NEDD9: variants seen among roughly 807,000 people sequenced by gnomAD.
NEDD9 encodes neural precursor cell expressed, developmentally down-regulated 9.
NEDD9 carries 26 observed loss-of-function variants against 76.6 expected under a neutral mutation model. That is an observed-to-expected ratio of 0.34 (90% CI 0.25 to 0.47). The LOEUF (loss-of-function observed/expected upper bound fraction) is 0.47. NEDD9 is among the 20% of genes least tolerant of loss of function. The pLI, the probability that NEDD9 is intolerant of heterozygous loss-of-function variation, is 1.00. For missense variants in NEDD9, 937 were observed against 1,058.5 expected (o/e 0.89, Z 1.59); for synonymous variants, 392 against 414.2 (o/e 0.95, Z 0.65).
intron 3 of NEDD9, among the ~76,000 whole-genome samples, chr6:11,282,960 T>C (rs551866164): frequency 2.2e-3 from 342 of 152,374 alleles, no homozygotes; most frequent in African/African-American, 7.3e-3. Flanking sequence ...ATGCCCTATA[T>C]GGTTTGGCCT....
intron 1 of NEDD9, among the ~76,000 whole-genome samples, chr6:11,356,450 T>C (rs1762576902): frequency 6.6e-6 from 1 of 152,196 alleles, no homozygotes; most frequent in Admixed American, 6.5e-5. Flanking sequence ...TATATTACTT[T>C]CCACACATCT....
upstream of NEDD9, among the ~76,000 whole-genome samples, chr6:11,234,104 G>C (rs1056397735): frequency 2.6e-5 from 4 of 152,160 alleles, no homozygotes; most frequent in African/African-American, 9.7e-5. Flanking sequence ...ATCCTAATGA[G>C]GTTGACATAC....
At position 11,339,302 on chromosome 6, in the gene NEDD9, A is replaced by G. The variant is rs193052267; in HGVS notation, c.-213-4741T>C. Among the ~76,000 whole-genome samples the G allele has an allele frequency of 4.2e-3, 647 of 152,320 alleles. 2 individuals carry two copies. The highest frequency in any genetic ancestry group is 0.015 in the African/African-American group (615 of 41,560). On this transcript the variant is annotated intron_variant, in intron 1 of 3. Transcript: ENST00000397378. ...ACTGCATAGTATTTCTTTGATAGAT[A>G]TATTTTCTGCCTATTTAAAATACAT...
chr6:11,269,308 A>G (rs1760258010), intron 3 of NEDD9, among the ~76,000 whole-genome samples: 1 of 152,254 alleles, frequency 6.6e-6, no homozygotes. Flanking sequence ...TGAGAGAACT[A>G]TAGCTATGCT....
At chr6:11,235,863 T>A (rs1581976309), upstream of NEDD9, among the ~76,000 whole-genome samples, 2 of 152,236 alleles carry the variant, frequency 1.3e-5, no homozygotes, top group East Asian at 3.9e-4. The surrounding 1 kb of genome is among the most constrained non-coding windows in gnomAD (Gnocchi z 4.1). Context: ...AGGTAGGTGG[T>A]AGGGAGCTTG....
Position 11,301,128 on chromosome 6 carries a change from T to C in NEDD9, c.12+4864A>G, listed in dbSNP as rs1582009024. Among the ~76,000 whole-genome samples the C allele has an allele frequency of 3.9e-5, 6 of 152,294 alleles. No individual in the cohort carries two copies. In the East Asian group the frequency reaches 1.2e-3, roughly 29 times the overall value. ...TGCTGTATTCAGGAGACCCATTTCA[T>C]GTGCAAAGACGCACATAGGCTCAAA... On this transcript the variant is annotated intron_variant, in intron 3 of 3. Coordinates refer to the NEDD9 transcript ENST00000397378.
chr6:11,313,021 T>C (rs1170327170), intron 2 of NEDD9, among the ~76,000 whole-genome samples: 1 of 152,184 alleles, frequency 6.6e-6, no homozygotes, highest in Non-Finnish European at 1.5e-5. Context: ...CTACCTGTTT[T>C]TCAAGTGCAG....
chr6:11,212,791 C>A lies in NEDD9; in HGVS notation c.459+490G>T, dbSNP rs114056505. ...AGAACGAGTTGGTCAGCATGACATA[C>A]TCCCAGCTTCCTCACTCTCGCTACT... On this transcript the variant is annotated intron_variant, in intron 2 of 6. Coordinates refer to ENST00000379446, the MANE Select transcript of NEDD9 (RefSeq NM_006403.4). Among the ~76,000 whole-genome samples, 860 of 152,304 alleles carry A rather than the reference C, an allele frequency of 5.6e-3. 9 individuals carry two copies. The highest frequency in any genetic ancestry group is 0.02 in the African/African-American group (823 of 41,554).
chr6:11,255,407 A>G (rs1759984346), intron 3 of NEDD9, among the ~76,000 whole-genome samples: 1 of 152,214 alleles, frequency 6.6e-6, no homozygotes, highest in Admixed American at 6.5e-5. Flanking sequence ...TCGCGTTGCC[A>G]TGATAGGTGG....
chr6:11,275,771 C>T (rs1394520012), intron 3 of NEDD9, among the ~76,000 whole-genome samples: 4 of 152,280 alleles, frequency 2.6e-5, no homozygotes, highest in Non-Finnish European at 2.9e-5. Flanking sequence ...TCAGTATAAG[C>T]TGCAAGCTGG....
At chr6:11,380,011 G>A (rs142728002) in intron 1 of NEDD9, among the ~76,000 whole-genome samples, 128 of 152,342 alleles carry the variant, frequency 8.4e-4, no homozygotes, top group Non-Finnish European at 1.6e-3. Flanking sequence ...CGTGCTGTGC[G>A]GGTTTGCATG....
intron 1 of NEDD9, among the ~76,000 whole-genome samples, chr6:11,224,291 C>G (rs1759240383): frequency 6.6e-6 from 1 of 152,156 alleles, no homozygotes; most frequent in African/African-American, 2.4e-5. Flanking sequence ...CTCTGGGCCT[C>G]TGTGAGATAG....
chr6:11,250,871 C>T (rs927181381), intron 3 of NEDD9, among the ~76,000 whole-genome samples: 4 of 152,158 alleles, frequency 2.6e-5, no homozygotes, highest in East Asian at 1.9e-4. Context: ...TTACTGACTT[C>T]GGGATAAAAC....
intron 1 of NEDD9, 106 bp downstream of exon 1, chr6:11,232,398 T>G (rs1351168557): frequency 2.1e-6 from 3 of 1,418,308 alleles, no homozygotes; most frequent in Non-Finnish European, 2.0e-6. Flanking sequence ...CTTAGAACTC[T>G]CCGGGACACA....
chr6:11,207,218 A>T (rs566840942), intron 2 of NEDD9, among the ~76,000 whole-genome samples: 2 of 152,358 alleles, frequency 1.3e-5, no homozygotes, highest in Admixed American at 1.3e-4. Flanking sequence ...TAGACAAGTC[A>T]TGCTGCTAAT....
rs1364137534 is a variant in NEDD9, at chr6:11,241,741, C to T, written c.13-28014G>A. Among the ~76,000 whole-genome samples, 1 of 152,142 alleles carries T rather than the reference C, an allele frequency of 6.6e-6. No individual in the cohort carries two copies. The highest frequency in any genetic ancestry group is 1.5e-5 in the Non-Finnish European group (1 of 68,026). On this transcript the variant is annotated intron_variant, in intron 3 of 3. Transcript: ENST00000397378. The surrounding 1 kb of genome is among the most constrained non-coding windows in gnomAD (Gnocchi z 4.0). ...TCTCCCCCTTGTGCCTTAAAAGAGC[C>T]CAGCTGACCCAGCCCTCCAAGAAGG...
At chr6:11,323,512 G>T (rs1219543606) in intron 2 of NEDD9, among the ~76,000 whole-genome samples, 3 of 152,220 alleles carry the variant, frequency 2.0e-5, no homozygotes, top group African/African-American at 7.2e-5. Flanking sequence ...GCAACGTCTG[G>T]AGACATTTTT....
At chr6:11,371,267 T>C (rs150709678) in intron 1 of NEDD9, among the ~76,000 whole-genome samples, 2,158 of 152,270 alleles carry the variant, frequency 0.014, 14 homozygotes, top group Middle Eastern at 0.041. Flanking sequence ...AAACCTGCAT[T>C]GACACATCAT....
intron 1 of NEDD9, among the ~76,000 whole-genome samples, chr6:11,354,205 G>A (rs934496884): frequency 6.6e-6 from 1 of 152,300 alleles, no homozygotes; most frequent in East Asian, 1.9e-4. Flanking sequence ...GAGCTCTGGG[G>A]CTATTTATTC....
Sources: allele counts gnomAD v4.1 joint callset (sites outside exome capture counted in the v4.1 genomes callset), GRCh38; gene constraint gnomAD v4.1.1; non-coding constraint Gnocchi (gnomAD v3.1); transcripts MANE v1.5; gene names NCBI Gene and HGNC (gene_info 2026-07-23, HGNC 2026-07-21).